The following SLC26A7 variants were observed in gnomAD, a reference collection of about 807,000 sequenced individuals.
SLC26A7 encodes anion exchange transporter.
A neutral mutation model predicts 82.5 loss-of-function variants in SLC26A7; 59 were observed. That is an observed-to-expected ratio of 0.72 (90% CI 0.58 to 0.89). The LOEUF is 0.89. Among genes scored for constraint, SLC26A7 ranks in the 40% least tolerant of loss-of-function variants. The pLI is 0.00. For missense variants in SLC26A7, 820 were observed against 793.0 expected, an observed-to-expected ratio of 1.03 and a Z score of -0.41; for synonymous variants, 271 against 274.3, an observed-to-expected ratio of 0.99 and a Z score of 0.12.
intron 3 of SLC26A7, among the ~76,000 whole-genome samples, chr8:91,294,441 T>C (rs1586374406): frequency 6.6e-6 from 1 of 152,154 alleles, no homozygotes; most frequent in African/African-American, 2.4e-5. Context: ...GTATTGGCTG[T>C]GTTGAATTTC....
At chr8:91,295,244 A>T (rs1811983829) in intron 3 of SLC26A7, among the ~76,000 whole-genome samples, 1 of 152,224 alleles carries the variant, frequency 6.6e-6, no homozygotes, top group South Asian at 2.1e-4. Flanking sequence ...CTGTACCAGG[A>T]CATTCTTTAT....
chr8:91,334,008 C>T (rs1204746939), intron 5 of SLC26A7, among the ~76,000 whole-genome samples: 1 of 152,058 alleles, frequency 6.6e-6, no homozygotes, highest in Non-Finnish European at 1.5e-5. Context: ...CATCTCTGCC[C>T]CTCAGAGTGT....
At chr8:91,334,808 C>G (rs1231609812) in intron 6 of SLC26A7, among the ~76,000 whole-genome samples, 3 of 152,026 alleles carry the variant, frequency 2.0e-5, no homozygotes, top group African/African-American at 4.8e-5. Context: ...GGTATCATTT[C>G]CTATTTATAT....
Position 91,362,434 on chromosome 8 carries a change from G to A in SLC26A7, c.1396G>A (p.Ala466Thr), listed in dbSNP as rs1289887767. ...GLLFGVVCTI[A>T]IVIGRFPRAM... is the part of the protein sequence containing the mutation. ...GCTGTTTGGTGTTGTTTGTACCATA[G>A]CTATAGTGATAGGACGCTTCCCAAG... Residue 466 changes from alanine to threonine, a missense_variant, in exon 12 of 19, where the codon GCT becomes ACT. Ala to Thr is a moderately conservative substitution (Grantham distance 58). Transcript: ENST00000276609. 9 of 1,612,962 alleles carry A rather than the reference G, an allele frequency of 5.6e-6. No homozygotes were observed. The Middle Eastern group carries it at 4.9e-4, about 88-fold the overall frequency.
chr8:91,316,711 G>T (rs1364523564), intron 4 of SLC26A7, among the ~76,000 whole-genome samples: 1 of 151,196 alleles, frequency 6.6e-6, no homozygotes, highest in Non-Finnish European at 1.5e-5. Context: ...GCTTATACTT[G>T]TGAATGTAAT....
chr8:91,274,343 T>C (rs1190195417), intron 2 of SLC26A7, among the ~76,000 whole-genome samples: 1 of 152,258 alleles, frequency 6.6e-6, no homozygotes, highest in Non-Finnish European at 1.5e-5. Flanking sequence ...TAAATTGTAA[T>C]GGACAGAAAT....
intron 2 of SLC26A7, among the ~76,000 whole-genome samples, chr8:91,241,892 A>C (rs946860859): frequency 2.0e-5 from 3 of 152,172 alleles, no homozygotes; most frequent in Non-Finnish European, 4.4e-5. Context: ...TACTATTTCA[A>C]CTTTAAGAGA....
chr8:91,258,912 C>A (rs1212028222), intron 2 of SLC26A7, among the ~76,000 whole-genome samples: 1 of 152,032 alleles, frequency 6.6e-6, no homozygotes, highest in African/African-American at 2.4e-5. Context: ...GTAGTGGAAA[C>A]CTTGTTCTTA....
intron 2 of SLC26A7, among the ~76,000 whole-genome samples, chr8:91,263,656 C>T (rs1811030785): frequency 6.6e-6 from 1 of 152,024 alleles, no homozygotes; most frequent in South Asian, 2.1e-4. Flanking sequence ...TTCTTTCCTT[C>T]CTATCACCTT....
intron 2 of SLC26A7, among the ~76,000 whole-genome samples, chr8:91,281,746 C>T (rs1288699401): frequency 2.0e-5 from 3 of 152,062 alleles, no homozygotes; most frequent in African/African-American, 7.2e-5. Flanking sequence ...CTCCCACTCT[C>T]GGGCCATTGG....
intron 4 of SLC26A7, among the ~76,000 whole-genome samples, chr8:91,295,965 A>G (rs2130777022): frequency 6.6e-6 from 1 of 152,340 alleles, no homozygotes; most frequent in African/African-American, 2.4e-5. Flanking sequence ...AATGTTTCAG[A>G]AAATGGAATG....
In SLC26A7 at chr8:91,362,269, A is replaced by C. The variant is rs878961008; in HGVS notation, c.1315-84A>C. 14 of 922,432 alleles carry C rather than the reference A, an allele frequency of 1.5e-5. No homozygotes were observed. The South Asian group carries it at 2.5e-4, about 17-fold the overall frequency. The allele number at this position is 922,432 out of a possible 1,614,324, so 57.1% of individuals were successfully genotyped here. ...AAGATTTGGTCACAAGAGTGTTAAG[A>C]ATATGATTGTGAGGAACTTAGCAAT... On this transcript the variant is annotated intron_variant, in intron 11 of 18. Coordinates refer to ENST00000276609, the MANE Select transcript of SLC26A7 (RefSeq NM_052832.4).
intron 2 of SLC26A7, chr8:91,219,251 C>T (rs888919015): frequency 6.8e-6 from 2 of 292,722 alleles, no homozygotes; most frequent in Admixed American, 5.1e-5. Context: ...ATTTGTGTGG[C>T]AAGTGAGTTA....
chr8:91,325,283 T>C (rs117273739), intron 5 of SLC26A7, among the ~76,000 whole-genome samples: 2,523 of 152,258 alleles, frequency 0.017, 66 homozygotes, highest in South Asian at 0.12. Context: ...ATGGCCAGCA[T>C]AGAGCCTGAA....
At chr8:91,351,949 A>G in intron 10 of SLC26A7, 62 bp downstream of exon 10, 1 of 1,269,260 alleles carries the variant, frequency 7.9e-7, no homozygotes, top group Non-Finnish European at 1.1e-6. Context: ...ATCATTGCAT[A>G]TAAAATTTCT....
At chr8:91,278,439 A>G (rs1811465472) in intron 2 of SLC26A7, among the ~76,000 whole-genome samples, 2 of 152,202 alleles carry the variant, frequency 1.3e-5, no homozygotes. Context: ...AAGACTATAC[A>G]GCCTAAAATC....
chr8:91,275,848 G>T (rs1000286244), intron 2 of SLC26A7, among the ~76,000 whole-genome samples: 1 of 152,092 alleles, frequency 6.6e-6, no homozygotes, highest in Non-Finnish European at 1.5e-5. Flanking sequence ...CCAGACAATC[G>T]CTTCTCAGTC....
intron 11 of SLC26A7, among the ~76,000 whole-genome samples, chr8:91,358,327 T>G (rs1371594861): frequency 6.8e-6 from 1 of 146,770 alleles, no homozygotes; most frequent in African/African-American, 2.6e-5. Context: ...TTTTTTCTTT[T>G]TCTTTTTTTT....
chr8:91,356,986 A>C (rs1307791655), intron 11 of SLC26A7, among the ~76,000 whole-genome samples: 1 of 152,130 alleles, frequency 6.6e-6, no homozygotes, highest in East Asian at 1.9e-4. Flanking sequence ...GGTTCACTGG[A>C]GATCTCATGC....
Sources: allele counts gnomAD v4.1 joint callset (sites outside exome capture counted in the v4.1 genomes callset), GRCh38; gene constraint gnomAD v4.1.1; transcripts MANE v1.5; gene names NCBI Gene and HGNC (gene_info 2026-07-23, HGNC 2026-07-21).